Variants in ITPR2 observed in about 807,000 individuals in gnomAD.
The protein encoded by ITPR2 is inositol 1,4,5-trisphosphate receptor type 2.
In ITPR2, 207 loss-of-function variants were observed where a neutral mutation model predicts 317.1. The observed-to-expected ratio is 0.65, with a 90% CI of 0.58 to 0.73. The LOEUF (loss-of-function observed/expected upper bound fraction) is 0.73. ITPR2 is among the 30% of genes least tolerant of loss of function. The pLI is 0.00. For synonymous variants in ITPR2, 1,156 were observed against 1,149.1 expected (o/e 1.01, Z -0.12); for missense variants, 2,613 against 3,284.0 (o/e 0.80, Z 4.99).
chr12:26,401,476 A>C (rs1202209414), intron 52 of ITPR2, among the ~76,000 whole-genome samples: 1 of 152,172 alleles, frequency 6.6e-6, no homozygotes, highest in African/African-American at 2.4e-5. Flanking sequence ...TCCTATTCTT[A>C]TTTTGTTTAA....
chr12:26,527,602 G>A (rs963098510), intron 37 of ITPR2, among the ~76,000 whole-genome samples: 8 of 152,198 alleles, frequency 5.3e-5, no homozygotes, highest in African/African-American at 1.7e-4. Flanking sequence ...GAAAAGAATG[G>A]ATTTGGCACC....
At chr12:26,445,731 T>TA (rs1283464525) in intron 45 of ITPR2, among the ~76,000 whole-genome samples, 4 of 151,982 alleles carry the variant, frequency 2.6e-5, no homozygotes, top group Non-Finnish European at 5.9e-5. Flanking sequence ...GTAGTGAGTT[T>TA]AAAAAAGAAT....
At chr12:26,497,340 GA>G (rs1942959907) in intron 37 of ITPR2, among the ~76,000 whole-genome samples, 1 of 151,914 alleles carries the variant, frequency 6.6e-6, no homozygotes, top group South Asian at 2.1e-4. Flanking sequence ...ATTTTTAGTA[GA>G]GACGTGGTTT....
chr12:26,401,862 A>C (rs1324624338), intron 52 of ITPR2, among the ~76,000 whole-genome samples: 1 of 152,234 alleles, frequency 6.6e-6, no homozygotes, highest in East Asian at 1.9e-4. Context: ...GTTTCCTTTT[A>C]AAACATGCTG....
At chr12:26,578,059 A>T (rs1379296675) in intron 34 of ITPR2, among the ~76,000 whole-genome samples, 1 of 152,218 alleles carries the variant, frequency 6.6e-6, no homozygotes, top group African/African-American at 2.4e-5. Flanking sequence ...CAGAGCCACC[A>T]TTAGTTGAAA....
chr12:26,704,189 G>A (rs1396228966), intron 9 of ITPR2, among the ~76,000 whole-genome samples: 1 of 152,180 alleles, frequency 6.6e-6, no homozygotes, highest in African/African-American at 2.4e-5. Flanking sequence ...ACTATTTCAA[G>A]TTATTCAAAA....
At chr12:26,422,764 C>T (rs1940938546) in intron 49 of ITPR2, among the ~76,000 whole-genome samples, 1 of 152,112 alleles carries the variant, frequency 6.6e-6, no homozygotes, top group Admixed American at 6.6e-5. Context: ...TATGGGAAAA[C>T]ATGACCTATT....
intron 36 of ITPR2, among the ~76,000 whole-genome samples, chr12:26,554,791 A>G (rs1424679761): frequency 6.6e-6 from 1 of 150,546 alleles, no homozygotes; most frequent in Non-Finnish European, 1.5e-5. Flanking sequence ...TTTTTCATTT[A>G]GTTCTTATGT....
intron 2 of ITPR2, among the ~76,000 whole-genome samples, chr12:26,734,785 C>CTAGTT (rs756904706): frequency 9.2e-5 from 14 of 152,136 alleles, no homozygotes; most frequent in Non-Finnish European, 2.1e-4. Context: ...GTTTGTTATG[C>CTAGTT]TAGTTCCTCC....
At chr12:26,462,496 GAGCCAC>G (rs1591805386) in intron 45 of ITPR2, among the ~76,000 whole-genome samples, 1 of 151,696 alleles carries the variant, frequency 6.6e-6, no homozygotes, top group East Asian at 2.0e-4. Context: ...TTATAGGCGT[GAGCCAC>G]TGTGCCTGGC....
intron 2 of ITPR2, among the ~76,000 whole-genome samples, chr12:26,741,548 G>GA (rs201520022): frequency 4.1e-4 from 60 of 147,988 alleles, no homozygotes; most frequent in African/African-American, 1.1e-3. Flanking sequence ...AGTTTTGTTT[G>GA]AAAAAAAAAA....
intron 37 of ITPR2, among the ~76,000 whole-genome samples, chr12:26,498,991 G>T (rs1034493066): frequency 6.6e-6 from 1 of 152,086 alleles, no homozygotes; most frequent in Non-Finnish European, 1.5e-5. Flanking sequence ...CATGAACCTG[G>T]CCCTGGAAGA....
chr12:26,715,574 T>G, intron 7 of ITPR2, 129 bp from the exon 8 acceptor site: 2 of 892,684 alleles, frequency 2.2e-6, no homozygotes, highest in East Asian at 2.6e-5. Flanking sequence ...TATTTAATGC[T>G]TATTTAAACA....
intron 21 of ITPR2, chr12:26,649,434 T>C (rs1239958078): frequency 6.6e-6 from 1 of 152,222 alleles, no homozygotes; most frequent in Non-Finnish European, 1.5e-5. Flanking sequence ...CATTTTCAAA[T>C]TGTATCACTT....
chr12:26,788,988 T>C (rs971611511), intron 2 of ITPR2, among the ~76,000 whole-genome samples: 68 of 152,296 alleles, frequency 4.5e-4, no homozygotes, highest in African/African-American at 1.6e-3. Context: ...AGCCTACGTG[T>C]CCCCTCAAGG....
rs138195293 is a variant in ITPR2 at position 26,645,569 on chromosome 12, G to C, written c.2740+8407C>G. On this transcript the variant is annotated intron_variant, in intron 21 of 56. Coordinates refer to ENST00000381340, the MANE Select transcript of ITPR2 (RefSeq NM_002223.4). ...GGACAGAGGGAGGACAGACAGAATC[G>C]AGCCATCTCAAGAAGAATAAGCTTG... 1.8e-3 allele frequency among the ~76,000 whole-genome samples: 275 copies of C among 152,348 alleles called. 5 individuals are homozygous for C. In the East Asian group the frequency reaches 0.042, roughly 23 times the overall value.
chr12:26,598,715 A>C (rs1182795942), intron 30 of ITPR2, among the ~76,000 whole-genome samples: 1 of 152,212 alleles, frequency 6.6e-6, no homozygotes, highest in African/African-American at 2.4e-5. Flanking sequence ...ACTTAGTTTG[A>C]TTCTCTTCAA....
chr12:26,566,725 A>C (rs759306110), intron 34 of ITPR2, among the ~76,000 whole-genome samples: 2 of 152,168 alleles, frequency 1.3e-5, no homozygotes, highest in Non-Finnish European at 2.9e-5. Context: ...CCACTGCTTA[A>C]ATTTCCTTAG....
intron 36 of ITPR2, among the ~76,000 whole-genome samples, chr12:26,551,262 G>C (rs1383110829): frequency 6.6e-6 from 1 of 152,116 alleles, no homozygotes; most frequent in African/African-American, 2.4e-5. Context: ...GTGCTTATCA[G>C]GTGTCAGGGT....
Sources: allele counts gnomAD v4.1 joint callset (sites outside exome capture counted in the v4.1 genomes callset), GRCh38; gene constraint gnomAD v4.1.1; transcripts MANE v1.5; gene names NCBI Gene and HGNC (gene_info 2026-07-23, HGNC 2026-07-21).